SCAF11: variants seen among roughly 807,000 people sequenced by gnomAD.
SCAF11 encodes the protein protein SCAF11.
Under a neutral mutation model 140.5 loss-of-function variants are expected in SCAF11, and 47 were observed. The observed-to-expected ratio is 0.33, with a 90% CI of 0.26 to 0.43. The LOEUF (loss-of-function observed/expected upper bound fraction) is 0.43, where lower values mean the gene tolerates loss of function less well. Among genes scored for constraint, SCAF11 ranks in the 20% least tolerant of loss-of-function variants. SCAF11 has a pLI of 1.00. For synonymous variants in SCAF11, 557 were observed against 579.4 expected (o/e 0.96, Z 0.55); for missense variants, 1,645 against 1,705.1 (o/e 0.96, Z 0.62).
chr12:45,971,196 T>C (rs762848274), intron 1 of SCAF11, among the ~76,000 whole-genome samples: 111 of 152,344 alleles, frequency 7.3e-4, no homozygotes, highest in Non-Finnish European at 1.2e-3. Context: ...ACAGAAATTG[T>C]ACTGTTGCAT....
chr12:45,926,320 A>G lies in SCAF11; in HGVS notation c.3381T>C (p.Ser1127=). ...FVEQQSYKRK[S]EQEFSFDTPA... is the part of the protein sequence containing the mutation. ...GTGTATCAAATGAGAACTCCTGTTC[A>G]CTTTTTCGCTTATAGGATTGCTGTT... Residue 1127 remains serine, a synonymous_variant, in exon 11 of 15, where the codon AGT becomes AGC. Coordinates refer to ENST00000369367, the MANE Select transcript of SCAF11 (RefSeq NM_004719.3). 1 of 1,614,138 alleles carries G rather than the reference A, an allele frequency of 6.2e-7. No homozygotes were observed. The highest frequency in any genetic ancestry group is 8.5e-7 in the Non-Finnish European group (1 of 1,180,006).
chr12:45,928,582 T>C lies in SCAF11; in HGVS notation c.1119A>G (p.Lys373=), dbSNP rs889550987. ...ESEKQTRQAP[K]RKSVRRGRKP... ...TTCTTCCTCTTCTTACAGACTTCCG[T>C]TTTGGAGCCTGTCTTGTTTGCTTTT... Residue 373 remains lysine (K), a synonymous_variant, in exon 11 of 15, where the codon AAA becomes AAG. Coordinates refer to ENST00000369367, the MANE Select transcript of SCAF11 (RefSeq NM_004719.3). The C allele has an allele frequency of 6.2e-7, 1 of 1,614,118 alleles. No individual in the cohort carries two copies. The highest frequency in any genetic ancestry group is 8.5e-7 in the Non-Finnish European group (1 of 1,179,976).
intron 1 of SCAF11, among the ~76,000 whole-genome samples, chr12:45,983,681 A>T (rs915828489): frequency 2.0e-5 from 3 of 151,778 alleles, no homozygotes; most frequent in Non-Finnish European, 4.4e-5. Context: ...ATAAAAGGTG[A>T]CAATCAGTCA....
intron 6 of SCAF11, among the ~76,000 whole-genome samples, chr12:45,936,687 G>T (rs1013827283): frequency 3.9e-5 from 6 of 152,136 alleles, no homozygotes; most frequent in Admixed American, 1.3e-4. Flanking sequence ...TTTTGGGATT[G>T]TCCTTTGTCA....
rs189880074 is a variant in SCAF11, at chr12:45,948,090, T to C, written c.398+347A>G. Among the ~76,000 whole-genome samples, 18 of 152,306 alleles carry C rather than the reference T, an allele frequency of 1.2e-4. No homozygotes were observed. In the East Asian group the frequency reaches 2.9e-3, roughly 24 times the overall value. ...TTCTTTTAATTCTTTTTATTTTGTGTTATTTTTTAGTAGAGACAGAGGAGG... is the reference window on the plus strand; with the variant it reads ...TTCTTTTAATTCTTTTTATTTTGTGCTATTTTTTAGTAGAGACAGAGGAGG... On this transcript the variant is annotated intron_variant, in intron 5 of 14. Coordinates refer to ENST00000369367, the MANE Select transcript of SCAF11 (RefSeq NM_004719.3).
intron 6 of SCAF11, 102 bp downstream of exon 6, chr12:45,945,147 T>G: frequency 1.3e-6 from 1 of 758,626 alleles, no homozygotes; most frequent in South Asian, 1.5e-5. Context: ...TTCTGAGGAC[T>G]ATTTTCCAGC....
chr12:45,927,132 T>C lies in SCAF11; in HGVS notation c.2569A>G (p.Arg857Gly). ...CGAGACTGAGATTGCCTCCTTTCTC[T>C]TGCAATATCCTTTTTTGGGGACTGA... ...RSQSPKKDIA[R>G]ERRQSQSRSP... Residue 857 changes from arginine (R) to glycine (G), a missense_variant, in exon 11 of 15, where the codon AGA (arginine) becomes GGA (glycine). By Grantham distance (125) the Arg-to-Gly change is moderately radical. This residue lies in a region of SCAF11 where 1,582 missense variants were observed against 1,609.2 expected (regional missense o/e 0.98). Coordinates refer to ENST00000369367, the MANE Select transcript of SCAF11 (RefSeq NM_004719.3). 1 of 1,614,174 alleles carries C rather than the reference T, an allele frequency of 6.2e-7. No homozygotes were observed. Among genetic ancestry groups the C allele is most frequent in the Non-Finnish European group, 8.5e-7 (1 of 1,180,016 alleles).
chr12:45,928,928 A>G (rs1374514464), intron 10 of SCAF11, 69 bp from the exon 11 acceptor site: 1 of 975,206 alleles, frequency 1.0e-6, no homozygotes, highest in Non-Finnish European at 1.4e-6. Flanking sequence ...GGCTTTAGCT[A>G]ATTTTAGCAT....
intron 3 of SCAF11, chr12:45,955,989 A>C: frequency 1.5e-6 from 1 of 649,086 alleles, no homozygotes; most frequent in Non-Finnish European, 2.8e-6. Context: ...ATTTTGATAG[A>C]AAAAAATAAT....
chr12:45,936,782 C>G (rs1241610706), intron 6 of SCAF11, among the ~76,000 whole-genome samples: 1 of 152,158 alleles, frequency 6.6e-6, no homozygotes, highest in East Asian at 1.9e-4. Context: ...CTTCCATTTA[C>G]TATCTCATTT....
chr12:45,945,126 A>C, intron 6 of SCAF11, 123 bp downstream of exon 6: 4 of 679,480 alleles, frequency 5.9e-6, no homozygotes, highest in Non-Finnish European at 1.0e-5. Flanking sequence ...GATTTAACAC[A>C]ATGTACAGAG....
chr12:45,945,245 T>G lies in SCAF11; in HGVS notation c.463+4A>C. The G allele has an allele frequency of 6.5e-7, 1 of 1,543,298 alleles. No homozygotes were observed. The highest frequency in any genetic ancestry group is 8.8e-7 in the Non-Finnish European group (1 of 1,134,254). ...GTAGAATCCACAAGCAAAAAGTAACTTACTATGTATCCACTTCAAGTCACA... is the reference window on the plus strand; with the variant it reads ...GTAGAATCCACAAGCAAAAAGTAACGTACTATGTATCCACTTCAAGTCACA... On this transcript the variant is annotated splice_donor_region_variant and intron_variant, in intron 6 of 14. Coordinates refer to ENST00000369367, the MANE Select transcript of SCAF11 (RefSeq NM_004719.3).
intron 1 of SCAF11, 46 bp downstream of exon 1, chr12:45,990,307 G>T: frequency 8.1e-7 from 1 of 1,231,632 alleles, no homozygotes; most frequent in South Asian, 4.1e-5. Context: ...GTCTCTCCCA[G>T]ACAGCTGCCC....
At chr12:45,959,615 C>T (rs1945777549) in intron 3 of SCAF11, among the ~76,000 whole-genome samples, 1 of 152,142 alleles carries the variant, frequency 6.6e-6, no homozygotes, top group Admixed American at 6.5e-5. Context: ...GAAACATACT[C>T]CTGAATTTGA....
intron 2 of SCAF11, 68 bp from the exon 3 acceptor site, chr12:45,961,925 T>G: frequency 7.6e-7 from 1 of 1,321,426 alleles, no homozygotes; most frequent in South Asian, 1.6e-5. Flanking sequence ...TTTCTAGGAG[T>G]ATAGTGGATT....
chr12:45,956,330 A>C, intron 3 of SCAF11: 1 of 595,742 alleles, frequency 1.7e-6, no homozygotes, highest in Non-Finnish European at 3.0e-6. Context: ...ATGTTATACA[A>C]AATTCTAGTT....
intron 3 of SCAF11, chr12:45,955,807 GTATC>G (rs1945677014): frequency 5.1e-6 from 1 of 197,608 alleles, no homozygotes; most frequent in African/African-American, 2.3e-5. Flanking sequence ...AATTTTTAAA[GTATC>G]TAATTCAGTT....
At chr12:45,980,071 G>T (rs1946317180) in intron 1 of SCAF11, among the ~76,000 whole-genome samples, 1 of 152,030 alleles carries the variant, frequency 6.6e-6, no homozygotes, top group Non-Finnish European at 1.5e-5. Context: ...AACTTTTATA[G>T]AACCTGGTGA....
In SCAF11 at chr12:45,990,547, C is replaced by T; in HGVS notation, c.-216G>A. On this transcript the variant is annotated 5_prime_UTR_variant, in exon 1 of 15. Transcript: ENST00000369367. ...GCAGGGAGCGACCCAGGTTGCGCTG[C>T]TCCGCGCGGCTTAAGCCACCGCTAC... 4.1e-6 allele frequency: 5 copies of T among 1,231,810 alleles called. No homozygotes were observed. The allele number at this position is 1,231,810 out of a possible 1,614,324, so 76.3% of individuals were successfully genotyped here.
Sources: gnomAD v4.1 joint callset for allele counts (sites outside exome capture counted in the v4.1 genomes callset) on GRCh38, gnomAD v4.1.1 for gene constraint, gnomAD v4.1.1 regional missense constraint, MANE v1.5 for transcripts, NCBI Gene and HGNC (gene_info 2026-07-23, HGNC 2026-07-21) for gene names.